Variants in COL28A1 observed in about 807,000 individuals in gnomAD.
COL28A1 encodes the protein collagen alpha-1(XXVIII) chain.
A neutral mutation model predicts 150.2 loss-of-function variants in COL28A1; 161 were observed. The ratio of observed to expected loss-of-function variants is 1.07; its 90% CI spans 0.94 to 1.22. The LOEUF (loss-of-function observed/expected upper bound fraction) is 1.22, where lower values mean the gene tolerates loss of function less well. Among genes scored for constraint, COL28A1 ranks in the 50% most tolerant of loss-of-function variants. COL28A1 has a pLI of 0.00. For missense variants in COL28A1, 1,617 were observed against 1,388.3 expected, an observed-to-expected ratio of 1.16 and a Z score of -2.62; for synonymous variants, 552 against 469.7, an observed-to-expected ratio of 1.18 and a Z score of -2.26.
intron 14 of COL28A1, among the ~76,000 whole-genome samples, chr7:7,474,962 A>G (rs1788743165): frequency 6.6e-6 from 1 of 152,232 alleles, no homozygotes; most frequent in African/African-American, 2.4e-5. Flanking sequence ...TATTCTGGAA[A>G]TGGATCACCT....
intron 8 of COL28A1, 114 bp downstream of exon 8, chr7:7,515,700 G>A: frequency 1.4e-6 from 1 of 727,388 alleles, no homozygotes; most frequent in South Asian, 1.6e-5. Context: ...AGGAATGAGG[G>A]AATCCAGACT....
the COL28A1 span, among the ~76,000 whole-genome samples, chr7:7,348,758 C>T: frequency 6.6e-6 from 1 of 151,912 alleles, no homozygotes; most frequent in African/African-American, 2.4e-5. Flanking sequence ...AAATTTCCTT[C>T]TAAGTACTGC....
chr7:7,482,403 CAGT>C (rs1203693686), intron 13 of COL28A1, among the ~76,000 whole-genome samples: 4 of 151,706 alleles, frequency 2.6e-5, no homozygotes, highest in African/African-American at 7.3e-5. Context: ...CTGGAGCCTA[CAGT>C]CCCAACTACT....
At chr7:7,402,197 G>C (rs1783243840) in intron 27 of COL28A1, among the ~76,000 whole-genome samples, 2 of 152,216 alleles carry the variant, frequency 1.3e-5, no homozygotes, top group Non-Finnish European at 2.9e-5. Flanking sequence ...AGATTACTAA[G>C]ATTAGTTCCA....
At chr7:7,476,184 C>A (rs1461324374) in intron 14 of COL28A1, among the ~76,000 whole-genome samples, 1 of 152,178 alleles carries the variant, frequency 6.6e-6, no homozygotes, top group East Asian at 1.9e-4. Flanking sequence ...CTTCTCCGGG[C>A]AGTATGTGTG....
At chr7:7,386,317 A>G (rs1782179767) in intron 27 of COL28A1, among the ~76,000 whole-genome samples, 1 of 152,226 alleles carries the variant, frequency 6.6e-6, no homozygotes, top group African/African-American at 2.4e-5. Flanking sequence ...AGATGATCAT[A>G]AAATGTAAAA....
Position 7,360,474 on chromosome 7 carries a change from C to A in COL28A1, c.3121G>T (p.Ala1041Ser). ...GAGGTAGTGGCAGGCAGATCATCAGCCCACGTTGGCTCTGGAGCCTTATCA... is the reference window on the plus strand; with the variant it reads ...GAGGTAGTGGCAGGCAGATCATCAGACCACGTTGGCTCTGGAGCCTTATCA... The part of the protein sequence containing the change: ...EDDKAPEPTW[A>S]DDLPATTSSE... The change falls in exon 34 of 35, where the codon GCT (alanine) becomes TCT (serine). Residue 1041 changes from alanine (A) to serine (S), a missense_variant. Coordinates refer to ENST00000399429, the MANE Select transcript of COL28A1 (RefSeq NM_001037763.3). 6.2e-7 allele frequency: 1 copy of A among 1,609,774 alleles called. No individual in the cohort carries two copies. The highest frequency in any genetic ancestry group is 2.2e-5 in the East Asian group (1 of 44,526).
chr7:7,463,695 G>A (rs137967182), intron 15 of COL28A1, among the ~76,000 whole-genome samples: 5,946 of 152,004 alleles, frequency 0.039, 427 homozygotes, highest in African/African-American at 0.14. Context: ...AAGAAATCCT[G>A]GAAACACATC....
chr7:7,401,272 TTCTTC>T lies in COL28A1; in HGVS notation c.2136+16582_2136+16586del, dbSNP rs537709883. 5.9e-5 allele frequency among the ~76,000 whole-genome samples: 9 copies of T among 152,002 alleles called. No homozygotes were observed. In the South Asian group the frequency reaches 1.7e-3, roughly 28 times the overall value. On this transcript the variant is annotated intron_variant, in intron 27 of 34. Transcript: ENST00000399429. ...AGGACCCAGGGCCCAGTCCTTGGAT[TTCTTC>T]TCTTCTATGTATACTCTCACTCTCC...
chr7:7,397,655 T>C (rs1375268421), intron 27 of COL28A1, among the ~76,000 whole-genome samples: 1 of 152,198 alleles, frequency 6.6e-6, no homozygotes, highest in Non-Finnish European at 1.5e-5. Context: ...AGTCCACACT[T>C]CTCAGGCGTG....
chr7:7,436,330 T>C, intron 23 of COL28A1, 65 bp downstream of exon 23: 2 of 863,482 alleles, frequency 2.3e-6, no homozygotes, highest in South Asian at 1.3e-5. Context: ...AATCAACTTA[T>C]GCATTAAATC....
At chr7:7,413,044 T>G (rs993183443) in intron 27 of COL28A1, among the ~76,000 whole-genome samples, 7 of 152,022 alleles carry the variant, frequency 4.6e-5, no homozygotes, top group African/African-American at 1.7e-4. Context: ...TGTATTTCAC[T>G]CTATTTATGG....
chr7:7,373,408 G>A lies in COL28A1; in HGVS notation c.2498C>T (p.Ala833Val). The A allele has an allele frequency of 6.2e-7, 1 of 1,614,106 alleles. No individual in the cohort carries two copies. Among genetic ancestry groups the A allele is most frequent in the Non-Finnish European group, 8.5e-7 (1 of 1,180,030 alleles). Residue 833 changes from alanine to valine, a missense_variant, in exon 32 of 35, where the codon GCC becomes GTC. By Grantham distance (64) the Ala-to-Val change is moderately conservative (BLOSUM62 0). Coordinates refer to ENST00000399429, the MANE Select transcript of COL28A1 (RefSeq NM_001037763.3). This position sits in a 1 kb window ranked among gnomAD's most constrained non-coding sequence, Gnocchi z 4.1. ...TMADRVALDL[A>V]TARIGIINYS... Reference sequence around the variant, plus strand: ...GTTGATTATGCCTATGCGGGCCGTGGCAAGGTCCAGAGCAACCCGGTCAGC... The same window carrying A: ...GTTGATTATGCCTATGCGGGCCGTGACAAGGTCCAGAGCAACCCGGTCAGC...
At chr7:7,411,886 G>A (rs993112155) in intron 27 of COL28A1, among the ~76,000 whole-genome samples, 5 of 152,192 alleles carry the variant, frequency 3.3e-5, no homozygotes, top group African/African-American at 1.2e-4. Flanking sequence ...AGTATCAGGA[G>A]AATGACGGGG....
intron 13 of COL28A1, among the ~76,000 whole-genome samples, chr7:7,483,560 C>G (rs764691379): frequency 1.7e-4 from 26 of 152,140 alleles, no homozygotes; most frequent in Non-Finnish European, 2.8e-4. Flanking sequence ...AAGGAAACCC[C>G]TGGAGTACAA....
At chr7:7,524,168 G>A in intron 4 of COL28A1, 61 bp downstream of exon 4, 2 of 884,754 alleles carry the variant, frequency 2.3e-6, no homozygotes, top group Non-Finnish European at 3.8e-6. Context: ...GAATTATAAT[G>A]CTGATTTGAT....
chr7:7,387,224 T>C (rs998482962), intron 27 of COL28A1, among the ~76,000 whole-genome samples: 3 of 152,094 alleles, frequency 2.0e-5, no homozygotes, highest in Non-Finnish European at 2.9e-5. Flanking sequence ...TCTTTAGAGA[T>C]GCCCTACTAT....
Position 7,452,313 on chromosome 7 carries a change from A to G in COL28A1, c.1509+6T>C. On this transcript the variant is annotated splice_donor_region_variant and intron_variant, in intron 18 of 34. Transcript: ENST00000399429. Reference sequence around the variant, plus strand: ...TCATATCACTTCTGAGCAGCAGTCAACTCACCTTTGGACCTTGTACTCCAA... The same window carrying G: ...TCATATCACTTCTGAGCAGCAGTCAGCTCACCTTTGGACCTTGTACTCCAA... 1 of 1,600,814 alleles carries G rather than the reference A, an allele frequency of 6.2e-7. No homozygotes were observed. Among genetic ancestry groups the G allele is most frequent in the Admixed American group, 1.8e-5 (1 of 55,354 alleles).
At chr7:7,474,240 T>C (rs1788692150) in intron 15 of COL28A1, among the ~76,000 whole-genome samples, 1 of 151,824 alleles carries the variant, frequency 6.6e-6, no homozygotes, top group African/African-American at 2.4e-5. Context: ...AGCTAAGTTA[T>C]GAGGACGCAA....
Sources: gnomAD v4.1 joint callset for allele counts (sites outside exome capture counted in the v4.1 genomes callset) on GRCh38, gnomAD v4.1.1 for gene constraint, Gnocchi (gnomAD v3.1) non-coding constraint, MANE v1.5 for transcripts, NCBI Gene and HGNC (gene_info 2026-07-23, HGNC 2026-07-21) for gene names.